The following CUX1 variants were observed in gnomAD, a reference collection of about 807,000 sequenced individuals.
CUX1 encodes the protein cut like homeobox 1.
CUX1 carries 31 observed loss-of-function variants against 158.8 expected under a neutral mutation model. The ratio of observed to expected loss-of-function variants is 0.20; its 90% CI spans 0.15 to 0.26. CUX1 has a LOEUF of 0.26. Among genes scored for constraint, CUX1 ranks in the 10% least tolerant of loss-of-function variants. CUX1 has a pLI of 1.00. For missense variants in CUX1, 1,589 were observed against 2,014.6 expected, an observed-to-expected ratio of 0.79 and a Z score of 4.04; for synonymous variants, 879 against 862.1, an observed-to-expected ratio of 1.02 and a Z score of -0.34.
At chr7:102,106,246 C>T (rs1335011942) in intron 6 of CUX1, among the ~76,000 whole-genome samples, 4 of 151,928 alleles carry the variant, frequency 2.6e-5, no homozygotes, top group Non-Finnish European at 5.9e-5. Flanking sequence ...CACGCCACCA[C>T]GCCCAGCTAA....
intron 2 of CUX1, among the ~76,000 whole-genome samples, chr7:101,988,518 G>T (rs544316408): frequency 1.3e-5 from 2 of 152,158 alleles, no homozygotes; most frequent in South Asian, 4.2e-4. Context: ...GTGTCTCCCT[G>T]CTCCTCCTTT....
At chr7:102,142,781 G>A (rs1786068182) in intron 8 of CUX1, among the ~76,000 whole-genome samples, 1 of 151,134 alleles carries the variant, frequency 6.6e-6, no homozygotes, top group South Asian at 2.1e-4. Flanking sequence ...AATTAGCCGG[G>A]AGAGGTGATG....
chr7:102,270,596 G>C (rs1554546032), intron 14 of CUX1, among the ~76,000 whole-genome samples: 2 of 152,136 alleles, frequency 1.3e-5, no homozygotes, highest in African/African-American at 4.8e-5. Context: ...CCCCAATTCT[G>C]CTGCCCGTGC....
rs943978684 is a variant in CUX1, at chr7:102,028,242, C to A, written c.189+97C>A. 6 of 1,317,412 alleles carry A rather than the reference C, an allele frequency of 4.6e-6. No individual in the cohort carries two copies. The African/African-American group carries it at 5.8e-5, about 13-fold the overall frequency. 81.6% of individuals were successfully genotyped at this position (1,317,412 alleles called of 1,614,324 possible). ...GAAATGCTCCGGGCAAAAGGTGCTG[C>A]CCAGATGGTGCCTTCCCGGCTGCTC... On this transcript the variant is annotated intron_variant, in intron 3 of 23. Transcript: ENST00000292535.
rs546455116 is a variant in CUX1, at chr7:102,056,470, A to G, written c.190-13869A>G. 2.0e-5 allele frequency among the ~76,000 whole-genome samples: 3 copies of G among 152,336 alleles called. No individual in the cohort carries two copies. The East Asian group carries it at 5.8e-4, about 29-fold the overall frequency. ...TAAGCTACACCTACTCTGCCTGTGCACTAGAAATGGAATCATAAAGCCTAG... is the reference window on the plus strand; with the variant it reads ...TAAGCTACACCTACTCTGCCTGTGCGCTAGAAATGGAATCATAAAGCCTAG... On this transcript the variant is annotated intron_variant, in intron 3 of 23. Transcript: ENST00000292535.
intron 3 of CUX1, among the ~76,000 whole-genome samples, chr7:102,045,095 G>C (rs1488681796): frequency 1.1e-4 from 17 of 152,212 alleles, no homozygotes; most frequent in African/African-American, 7.2e-5. Context: ...GACACACACA[G>C]TGTCTCCCTG....
chr7:102,005,888 C>G (rs1817303537), intron 2 of CUX1, among the ~76,000 whole-genome samples: 1 of 152,186 alleles, frequency 6.6e-6, no homozygotes, highest in South Asian at 2.1e-4. Flanking sequence ...TCCCAGGCTA[C>G]AAAGCCTAAA....
intron 4 of CUX1, among the ~76,000 whole-genome samples, chr7:102,096,178 T>C (rs1428824817): frequency 6.6e-6 from 1 of 152,250 alleles, no homozygotes; most frequent in African/African-American, 2.4e-5. Flanking sequence ...ATCAGGAGTG[T>C]GGTGGCCTCC....
intron 2 of CUX1, among the ~76,000 whole-genome samples, chr7:101,986,495 C>T (rs917911922): frequency 1.1e-4 from 16 of 152,300 alleles, no homozygotes; most frequent in South Asian, 6.2e-4. Context: ...CTATTACAGG[C>T]GGCACTGTGT....
chr7:101,821,651 CTTTTCTTTTTTTCTT>C (rs1792560477), intron 1 of CUX1, among the ~76,000 whole-genome samples: 5 of 95,296 alleles, frequency 5.2e-5, no homozygotes, highest in Non-Finnish European at 1.2e-4. Context: ...ATTTTCTTTT[CTTTTCTTTTTTTCTT>C]TTTTCTTTTT....
At chr7:102,244,727 C>A (rs782098148) in intron 23 of CUX1, among the ~76,000 whole-genome samples, 1 of 152,080 alleles carries the variant, frequency 6.6e-6, no homozygotes, top group African/African-American at 2.4e-5. Context: ...GACCATTTAC[C>A]CAGGATTGAT....
chr7:102,205,255 C>T (rs1554520791), intron 20 of CUX1, 85 bp downstream of exon 20: 2 of 993,990 alleles, frequency 2.0e-6, no homozygotes, highest in South Asian at 1.3e-5. Context: ...CCCGGCGAGA[C>T]TCCGAGGGAC....
intron 20 of CUX1, among the ~76,000 whole-genome samples, chr7:102,224,015 C>A (rs927256631): frequency 1.3e-5 from 2 of 152,178 alleles, no homozygotes; most frequent in Non-Finnish European, 2.9e-5. Flanking sequence ...ATGTTCTGAG[C>A]TCGTGGATTC....
At chr7:101,958,760 A>C (rs528547086) in intron 2 of CUX1, among the ~76,000 whole-genome samples, 1 of 150,306 alleles carries the variant, frequency 6.7e-6, no homozygotes, top group Non-Finnish European at 1.5e-5. Flanking sequence ...GATTACAGGC[A>C]TGAGCCACTG....
chr7:101,873,181 T>C (rs574579991), intron 1 of CUX1, among the ~76,000 whole-genome samples: 15 of 150,198 alleles, frequency 1.0e-4, no homozygotes, highest in South Asian at 6.3e-4. Context: ...TCAGCTTCTT[T>C]TTTTTTTTTT....
At chr7:101,984,722 TC>T (rs1332955213) in intron 2 of CUX1, among the ~76,000 whole-genome samples, 1 of 152,036 alleles carries the variant, frequency 6.6e-6, no homozygotes, top group Non-Finnish European at 1.5e-5. Context: ...TGGCTGGCGT[TC>T]GCAAAACTCA....
intron 3 of CUX1, among the ~76,000 whole-genome samples, chr7:102,062,967 T>G (rs1052357456): frequency 2.6e-5 from 4 of 152,086 alleles, no homozygotes; most frequent in African/African-American, 9.7e-5. Flanking sequence ...TAGCTGGGCA[T>G]GGTGGCAGGC....
At chr7:102,263,075 G>A (rs1357946860), downstream of CUX1, among the ~76,000 whole-genome samples, 2 of 149,160 alleles carry the variant, frequency 1.3e-5, no homozygotes, top group Non-Finnish European at 3.0e-5. Context: ...GTGCAGTGGC[G>A]TGATCTCGGC....
rs1563194074 is a variant in CUX1 at position 102,063,405 on chromosome 7, T to TTTTTTC, written c.190-6933_190-6932insTTTTCT. Among the ~76,000 whole-genome samples, 17 of 145,434 alleles carry TTTTTTC rather than the reference T, an allele frequency of 1.2e-4. 2 individuals are homozygous for TTTTTTC. The highest frequency in any genetic ancestry group is 4.5e-4 in the African/African-American group (17 of 38,006). ...TTTCTTTTTTTTTTTTTTTTTTTTT[T>TTTTTTC]TGAGACGGAGTCTCACTCTGTCGCC... On this transcript the variant is annotated intron_variant, in intron 3 of 23. Coordinates refer to ENST00000292535, the MANE Select transcript of CUX1 (RefSeq NM_181552.4).
Sources: gnomAD v4.1 joint callset for allele counts (sites outside exome capture counted in the v4.1 genomes callset) on GRCh38, gnomAD v4.1.1 for gene constraint, MANE v1.5 for transcripts, NCBI Gene and HGNC (gene_info 2026-07-23, HGNC 2026-07-21) for gene names.